Variants in ITPR2 observed in about 807,000 individuals in gnomAD.
ITPR2 encodes inositol 1,4,5-trisphosphate receptor type 2.
Under a neutral mutation model 317.1 loss-of-function variants are expected in ITPR2, and 207 were observed. The ratio of observed to expected loss-of-function variants is 0.65; its 90% CI spans 0.58 to 0.73. The LOEUF is 0.73. ITPR2 is among the 30% of genes least tolerant of loss of function. The pLI is 0.00. For synonymous variants in ITPR2, 1,156 were observed against 1,149.1 expected (o/e 1.01, Z -0.12); for missense variants, 2,613 against 3,284.0 (o/e 0.80, Z 4.99).
At chr12:26,789,618 T>C (rs1950310594) in intron 2 of ITPR2, among the ~76,000 whole-genome samples, 1 of 152,222 alleles carries the variant, frequency 6.6e-6, no homozygotes, top group Admixed American at 6.5e-5. Context: ...TTTGTAAGAG[T>C]TGAGTTATAA....
chr12:26,832,824 G>A lies in ITPR2; in HGVS notation c.-43C>T, dbSNP rs1951139944. The stretch of plus-strand genomic sequence containing the variant: ...AGTGGACGTCCCTCTTCTTCCCTGC[G>A]CCCTCGCCGCCCTCTCTCCAGGGAG... On this transcript the variant is annotated 5_prime_UTR_variant, in exon 1 of 57. Transcript: ENST00000381340. 1.4e-6 allele frequency: 2 copies of A among 1,429,584 alleles called. No individual in the cohort carries two copies. The highest frequency in any genetic ancestry group is 2.0e-6 in the Non-Finnish European group (2 of 1,022,950). 88.6% of individuals were successfully genotyped at this position (1,429,584 alleles called of 1,614,324 possible).
chr12:26,598,977 A>G (rs1393016258), intron 30 of ITPR2, among the ~76,000 whole-genome samples, 168 bp downstream of exon 30: 1 of 152,232 alleles, frequency 6.6e-6, no homozygotes, highest in East Asian at 1.9e-4. Flanking sequence ...AACTTAAGAT[A>G]TGTTGCTTCA....
At chr12:26,631,314 G>A (rs1946747500) in intron 22 of ITPR2, among the ~76,000 whole-genome samples, 1 of 152,198 alleles carries the variant, frequency 6.6e-6, no homozygotes, top group South Asian at 2.1e-4. Flanking sequence ...CATTAGACTA[G>A]GTTATTTTTT....
intron 39 of ITPR2, among the ~76,000 whole-genome samples, chr12:26,492,630 C>A (rs567310467): frequency 2.0e-5 from 3 of 152,160 alleles, no homozygotes; most frequent in Non-Finnish European, 2.9e-5. Context: ...ATCATTCATC[C>A]ATTGATAAGT....
intron 1 of ITPR2, among the ~76,000 whole-genome samples, chr12:26,795,350 G>A (rs769410371): frequency 2.0e-5 from 3 of 152,096 alleles, no homozygotes; most frequent in Admixed American, 6.5e-5. Context: ...TTTATGAATC[G>A]GAGAGTAGAA....
chr12:26,354,742 C>T (rs1321046184), intron 55 of ITPR2, among the ~76,000 whole-genome samples: 4 of 152,098 alleles, frequency 2.6e-5, no homozygotes. Flanking sequence ...GGTCTCAGCT[C>T]ACTGCAACCT....
intron 37 of ITPR2, among the ~76,000 whole-genome samples, chr12:26,550,005 A>T (rs1463819172): frequency 6.6e-6 from 1 of 151,934 alleles, no homozygotes; most frequent in Non-Finnish European, 1.5e-5. Context: ...CAGATCCAAG[A>T]ATATAATATA....
intron 23 of ITPR2, among the ~76,000 whole-genome samples, chr12:26,625,176 A>G (rs1240539656): frequency 6.6e-6 from 1 of 152,100 alleles, no homozygotes; most frequent in Non-Finnish European, 1.5e-5. Flanking sequence ...GTAGAATAAG[A>G]GTTACCAGAG....
At chr12:26,495,002 T>G (rs550089817) in intron 38 of ITPR2, 150 bp downstream of exon 38, 121 of 627,884 alleles carry the variant, frequency 1.9e-4, no homozygotes, top group Non-Finnish European at 3.0e-4. Context: ...ATCTGTTGTT[T>G]TATGAGCCCC....
chr12:26,349,576 T>C (rs1381171456), intron 55 of ITPR2, among the ~76,000 whole-genome samples: 2 of 152,268 alleles, frequency 1.3e-5, no homozygotes, highest in Non-Finnish European at 2.9e-5. Flanking sequence ...TATACTCACA[T>C]ATTATAAATT....
At chr12:26,598,629 G>T (rs1350549351) in intron 30 of ITPR2, among the ~76,000 whole-genome samples, 2 of 152,166 alleles carry the variant, frequency 1.3e-5, no homozygotes, top group South Asian at 4.1e-4. Context: ...CTATTCATTT[G>T]CTGAAATTTG....
intron 2 of ITPR2, among the ~76,000 whole-genome samples, chr12:26,742,467 A>G (rs1949247682): frequency 6.6e-6 from 1 of 152,244 alleles, no homozygotes; most frequent in African/African-American, 2.4e-5. Context: ...TAACTGATAG[A>G]TGGACAAACA....
intron 31 of ITPR2, among the ~76,000 whole-genome samples, chr12:26,596,522 C>T (rs1051767078): frequency 1.3e-5 from 2 of 151,986 alleles, no homozygotes; most frequent in Non-Finnish European, 2.9e-5. Flanking sequence ...TGGCACATGC[C>T]TGTAATCCCA....
chr12:26,397,959 G>A (rs1940049834), intron 54 of ITPR2, among the ~76,000 whole-genome samples: 1 of 152,032 alleles, frequency 6.6e-6, no homozygotes, highest in Admixed American at 6.6e-5. Context: ...TGGGTACAGA[G>A]AAGAGGGCAG....
chr12:26,511,912 C>T (rs753821730), intron 37 of ITPR2, among the ~76,000 whole-genome samples: 2 of 152,202 alleles, frequency 1.3e-5, no homozygotes, highest in Non-Finnish European at 2.9e-5. Flanking sequence ...TCCTCAACGT[C>T]TTTCCACACC....
chr12:26,644,735 G>A (rs918547297), intron 21 of ITPR2, among the ~76,000 whole-genome samples: 8 of 152,056 alleles, frequency 5.3e-5, no homozygotes, highest in African/African-American at 1.4e-4. Flanking sequence ...CCCATGACAC[G>A]TGGGAATTAT....
At position 26,721,511 on chromosome 12, in the gene ITPR2, AT is replaced by A. The variant is rs1389701445; in HGVS notation, c.525+885del. ...TTTATATTGCTTCGAATTCATGTTA[AT>A]TTTTTTAAATCTTAACTATTGATCC... On this transcript the variant is annotated intron_variant, in intron 5 of 56. Coordinates refer to ENST00000381340, the MANE Select transcript of ITPR2 (RefSeq NM_002223.4). 2.0e-5 allele frequency among the ~76,000 whole-genome samples: 3 copies of A among 152,282 alleles called. No individual in the cohort carries two copies. The East Asian group carries it at 5.8e-4, about 29-fold the overall frequency.
At chr12:26,535,679 T>G (rs1423539661) in intron 37 of ITPR2, among the ~76,000 whole-genome samples, 1 of 152,220 alleles carries the variant, frequency 6.6e-6, no homozygotes, top group South Asian at 2.1e-4. Context: ...ATGGAATAAA[T>G]TTAGTTGAGC....
intron 55 of ITPR2, among the ~76,000 whole-genome samples, chr12:26,350,118 G>A (rs1032554059): frequency 6.6e-6 from 1 of 152,180 alleles, no homozygotes; most frequent in Non-Finnish European, 1.5e-5. Flanking sequence ...CTAAGCTTCT[G>A]TAGGTGTGAG....
Sources: gnomAD v4.1 joint callset for allele counts (sites outside exome capture counted in the v4.1 genomes callset) on GRCh38, gnomAD v4.1.1 for gene constraint, MANE v1.5 for transcripts, NCBI Gene and HGNC (gene_info 2026-07-23, HGNC 2026-07-21) for gene names.